The following DNM3 variants were observed in gnomAD, a reference collection of about 807,000 sequenced individuals.
The protein encoded by DNM3 is dynamin-3.
In DNM3, 47 loss-of-function variants were observed where a neutral mutation model predicts 101.6. The observed-to-expected ratio is 0.46, with a 90% CI of 0.37 to 0.59. The LOEUF (loss-of-function observed/expected upper bound fraction) is 0.59. Ranked by LOEUF, DNM3 falls within the 20% of genes least tolerant of loss-of-function variation. DNM3 has a pLI of 0.00. For missense variants in DNM3, 849 were observed against 1,085.7 expected, an observed-to-expected ratio of 0.78 and a Z score of 3.06; for synonymous variants, 385 against 387.9, an observed-to-expected ratio of 0.99 and a Z score of 0.09.
chr1:172,003,318 G>C (rs1231254717), intron 4 of DNM3, among the ~76,000 whole-genome samples: 1 of 151,920 alleles, frequency 6.6e-6, no homozygotes, highest in Non-Finnish European at 1.5e-5. Flanking sequence ...ATGTGACCAT[G>C]AGTTTCTAAC....
chr1:172,239,337 G>A (rs191670056), intron 14 of DNM3, among the ~76,000 whole-genome samples: 20 of 152,282 alleles, frequency 1.3e-4, no homozygotes, highest in African/African-American at 4.8e-4. Flanking sequence ...ACCATACTGT[G>A]TTTATGGGTG....
intron 4 of DNM3, among the ~76,000 whole-genome samples, chr1:172,020,462 T>C (rs1361351181): frequency 6.6e-6 from 1 of 152,096 alleles, no homozygotes; most frequent in Non-Finnish European, 1.5e-5. Context: ...GGCTCACGCC[T>C]GTAATCCCAG....
chr1:171,851,440 C>T (rs10913856), intron 1 of DNM3, among the ~76,000 whole-genome samples: 64,989 of 151,936 alleles, frequency 0.43, 14,082 homozygotes, highest in African/African-American at 0.46. Flanking sequence ...GACAGAGTCT[C>T]GCTCTGTCGT....
At chr1:172,334,685 C>A (rs566960864) in intron 17 of DNM3, among the ~76,000 whole-genome samples, 3 of 152,038 alleles carry the variant, frequency 2.0e-5, no homozygotes, top group African/African-American at 4.8e-5. Context: ...TCAGCAGTAA[C>A]TGCTTCATAT....
intron 14 of DNM3, among the ~76,000 whole-genome samples, chr1:172,236,502 A>T (rs2061551632): frequency 6.6e-6 from 1 of 152,126 alleles, no homozygotes; most frequent in Non-Finnish European, 1.5e-5. Flanking sequence ...TCTGCGATTT[A>T]TCATTGTATA....
chr1:171,972,856 A>AAACC (rs1193796604), intron 2 of DNM3, among the ~76,000 whole-genome samples: 1 of 119,908 alleles, frequency 8.3e-6, no homozygotes, highest in Non-Finnish European at 1.8e-5. Flanking sequence ...TCTCAAAAAC[A>AAACC]AACAAAAAAC....
At chr1:171,908,598 G>A (rs149294610) in intron 1 of DNM3, among the ~76,000 whole-genome samples, 378 of 151,922 alleles carry the variant, frequency 2.5e-3, no homozygotes, top group African/African-American at 8.6e-3. Flanking sequence ...GATACTGACA[G>A]TGAAGAATAA....
chr1:171,876,224 A>G (rs969916860), intron 1 of DNM3, among the ~76,000 whole-genome samples: 5 of 152,154 alleles, frequency 3.3e-5, no homozygotes, highest in Non-Finnish European at 7.4e-5. Flanking sequence ...GTGGTGAGAC[A>G]GTAGGTGGAT....
chr1:171,875,688 T>C (rs1281214846), intron 1 of DNM3, among the ~76,000 whole-genome samples: 1 of 152,198 alleles, frequency 6.6e-6, no homozygotes, highest in Admixed American at 6.5e-5. Flanking sequence ...ATAAAAATAG[T>C]AGTACCTACC....
intron 20 of DNM3, among the ~76,000 whole-genome samples, chr1:172,395,315 C>T (rs1296838481): frequency 3.3e-5 from 5 of 151,886 alleles, no homozygotes; most frequent in African/African-American, 9.7e-5. Flanking sequence ...GGATTACAGG[C>T]GTGCACCACC....
intron 14 of DNM3, among the ~76,000 whole-genome samples, chr1:172,160,304 A>G (rs2058500473): frequency 6.6e-6 from 1 of 152,086 alleles, no homozygotes; most frequent in Non-Finnish European, 1.5e-5. Context: ...TTACTTTATA[A>G]ACTTTCAAAT....
intron 1 of DNM3, among the ~76,000 whole-genome samples, chr1:171,919,205 A>C (rs1425261535): frequency 6.6e-6 from 1 of 151,922 alleles, no homozygotes; most frequent in South Asian, 2.1e-4. Flanking sequence ...TATGCAGAAC[A>C]TGCAGGTTTG....
At chr1:172,050,732 A>C (rs1454517068) in intron 10 of DNM3, among the ~76,000 whole-genome samples, 1 of 152,212 alleles carries the variant, frequency 6.6e-6, no homozygotes, top group Non-Finnish European at 1.5e-5. Flanking sequence ...TCATAGATGA[A>C]GGATGTGGTT....
intron 14 of DNM3, chr1:172,133,234 A>G (rs1255469590): frequency 2.2e-5 from 24 of 1,113,552 alleles, no homozygotes; most frequent in Non-Finnish European, 2.3e-5. Flanking sequence ...TCTGTAGGGA[A>G]GGAAGAAGCT....
At chr1:171,922,008 A>T (rs538072922) in intron 2 of DNM3, among the ~76,000 whole-genome samples, 187 bp downstream of exon 2, 1 of 152,162 alleles carries the variant, frequency 6.6e-6, no homozygotes, top group East Asian at 1.9e-4. Flanking sequence ...ATTAAAGGGG[A>T]TATTTTCATA....
intron 15 of DNM3, among the ~76,000 whole-genome samples, chr1:172,273,230 A>G (rs2063150760): frequency 6.6e-6 from 1 of 151,958 alleles, no homozygotes; most frequent in Non-Finnish European, 1.5e-5. Context: ...ACTAACTCTG[A>G]CATGTCAGTC....
intron 1 of DNM3, among the ~76,000 whole-genome samples, chr1:171,917,987 C>T (rs1196624364): frequency 1.3e-5 from 2 of 152,064 alleles, no homozygotes; most frequent in Non-Finnish European, 2.9e-5. Context: ...CAATATTGTT[C>T]GTGTCAGTGC....
At chr1:171,950,998 T>C (rs2042488584) in intron 2 of DNM3, among the ~76,000 whole-genome samples, 1 of 152,162 alleles carries the variant, frequency 6.6e-6, no homozygotes, top group Non-Finnish European at 1.5e-5. Flanking sequence ...AAGGAGGGTG[T>C]GCTGTGTCGT....
intron 16 of DNM3, among the ~76,000 whole-genome samples, chr1:172,314,593 A>G (rs988178101): frequency 6.6e-6 from 1 of 152,136 alleles, no homozygotes; most frequent in East Asian, 1.9e-4. Context: ...TATATCCCGC[A>G]CCTGGCTCAG....
Sources: allele counts gnomAD v4.1 joint callset (sites outside exome capture counted in the v4.1 genomes callset), GRCh38; gene constraint gnomAD v4.1.1; transcripts MANE v1.5; gene names NCBI Gene and HGNC (gene_info 2026-07-23, HGNC 2026-07-21).